ACOX3: variants seen among roughly 807,000 people sequenced by gnomAD.
ACOX3 encodes peroxisomal acyl-coenzyme A oxidase 3.
Under a neutral mutation model 81.5 loss-of-function variants are expected in ACOX3, and 73 were observed. That is an observed-to-expected ratio of 0.90 (90% CI 0.74 to 1.09). The LOEUF is 1.09. Among genes scored for constraint, ACOX3 ranks in the 50% least tolerant of loss-of-function variants. The probability of loss-of-function intolerance (pLI) is 0.00; values close to 1 mark genes in which losing one functional copy is unlikely to be tolerated. For synonymous variants in ACOX3, 387 were observed against 375.1 expected (o/e 1.03, Z -0.37); for missense variants, 947 against 928.0 (o/e 1.02, Z -0.27).
chr4:8,362,667 G>C (rs577899114), downstream of ACOX3, among the ~76,000 whole-genome samples: 84 of 152,350 alleles, frequency 5.5e-4, no homozygotes, highest in Middle Eastern at 3.4e-3. Context: ...CACAGTCCCT[G>C]TATGGGGTTC....
chr4:8,411,681 G>A (rs1250829672), intron 5 of ACOX3, among the ~76,000 whole-genome samples: 3 of 152,204 alleles, frequency 2.0e-5, no homozygotes, highest in Non-Finnish European at 4.4e-5. Flanking sequence ...TCGACTGTCT[G>A]GCTGCCTCCC....
chr4:8,363,553 G>C (rs1234310270), downstream of ACOX3, among the ~76,000 whole-genome samples: 1 of 152,156 alleles, frequency 6.6e-6, no homozygotes, highest in Admixed American at 6.5e-5. Flanking sequence ...AGGATTAAAG[G>C]TTGTCTTATA....
At chr4:8,364,989 G>A (rs1193935429), downstream of ACOX3, among the ~76,000 whole-genome samples, 2 of 152,102 alleles carry the variant, frequency 1.3e-5, no homozygotes, top group Non-Finnish European at 2.9e-5. The surrounding 1 kb of genome is among the most constrained non-coding windows in gnomAD (Gnocchi z 5.0). Context: ...TTGGGAGCCT[G>A]TTCCTTCTCG....
At chr4:8,369,906 T>C (rs1277949986) in intron 17 of ACOX3, among the ~76,000 whole-genome samples, 5 of 152,184 alleles carry the variant, frequency 3.3e-5, no homozygotes, top group African/African-American at 7.2e-5. Context: ...GACATGAGCA[T>C]TGACACGCCG....
At chr4:8,355,415 T>C in the ACOX3 span, 1 of 152,152 alleles carries the variant, frequency 6.6e-6, no homozygotes, top group Non-Finnish European at 1.5e-5. Flanking sequence ...ACACTAAAAT[T>C]AAACAGTGCA....
chr4:8,357,799 CA>C, the ACOX3 span: 15 of 167,380 alleles, frequency 9.0e-5, no homozygotes, highest in East Asian at 2.3e-3. Context: ...CGCCCACAGA[CA>C]ACACTTTCAC....
chr4:8,373,090 A>G (rs964882517), intron 16 of ACOX3, among the ~76,000 whole-genome samples: 1 of 152,114 alleles, frequency 6.6e-6, no homozygotes, highest in African/African-American at 2.4e-5. Context: ...TATAATAAAC[A>G]AGGAAACTGC....
intron 1 of ACOX3, among the ~76,000 whole-genome samples, chr4:8,438,229 A>G (rs1286766492): frequency 6.6e-6 from 1 of 152,224 alleles, no homozygotes; most frequent in Non-Finnish European, 1.5e-5. Context: ...CCAGGTTTAG[A>G]CTGCCTCTAA....
chr4:8,365,749 G>A (rs918069166), downstream of ACOX3, among the ~76,000 whole-genome samples: 4 of 143,684 alleles, frequency 2.8e-5, no homozygotes, highest in Non-Finnish European at 6.2e-5. Flanking sequence ...GGTGGGATGT[G>A]GTGGGGGGGT....
At chr4:8,375,352 G>A (rs1234144783) in intron 14 of ACOX3, among the ~76,000 whole-genome samples, 200 bp from the exon 15 acceptor site, 2 of 152,264 alleles carry the variant, frequency 1.3e-5, no homozygotes, top group Non-Finnish European at 2.9e-5. Flanking sequence ...GGCCTATGAA[G>A]ATGGAGCTGG....
intron 7 of ACOX3, among the ~76,000 whole-genome samples, chr4:8,403,919 G>A (rs1162463197): frequency 6.6e-6 from 1 of 152,196 alleles, no homozygotes; most frequent in African/African-American, 2.4e-5. Context: ...CCATATGCCC[G>A]GGTGGAGATG....
chr4:8,375,126 C>T lies in ACOX3; in HGVS notation c.1680G>A (p.Leu560=). The T allele has an allele frequency of 6.4e-7, 1 of 1,552,060 alleles. No individual in the cohort carries two copies. ...CQVSHGRPLA[L]AFVELTVVQR... ...GGACCACCGTGAGCTCCACGAAGGC[C>T]AGCGCCAACGGACGGCCGTGGGACA... Residue 560 remains leucine (L), a synonymous_variant, in exon 15 of 18, where the codon CTG becomes CTA. Coordinates refer to ENST00000356406, the MANE Select transcript of ACOX3 (RefSeq NM_003501.3).
chr4:8,435,442 G>A (rs1724176573), intron 1 of ACOX3, among the ~76,000 whole-genome samples: 1 of 152,110 alleles, frequency 6.6e-6, no homozygotes, highest in African/African-American at 2.4e-5. Flanking sequence ...CTTGCAGTGA[G>A]TGGAGATTGT....
intron 1 of ACOX3, among the ~76,000 whole-genome samples, chr4:8,417,541 C>A (rs1317570673): frequency 1.3e-5 from 2 of 152,232 alleles, no homozygotes; most frequent in South Asian, 4.1e-4. Context: ...GTTTCCCAAA[C>A]CCCCTCCGCT....
Position 8,386,793 on chromosome 4 carries a change from G to A in ACOX3, c.1537+2380C>T, listed in dbSNP as rs186874131. ...GGGGAAGGCGCTGGGAAGCCGGACC[G>A]GCCCAGGCTCCACACCGGCTTCGGC... On this transcript the variant is annotated intron_variant, in intron 13 of 17. Transcript: ENST00000356406. This position sits in a 1 kb window ranked among gnomAD's most constrained non-coding sequence, Gnocchi z 5.2. Among the ~76,000 whole-genome samples the A allele has an allele frequency of 1.6e-3, 239 of 152,280 alleles. 2 individuals are homozygous for A. The highest frequency in any genetic ancestry group is 0.014 in the Admixed American group (216 of 15,296).
chr4:8,415,878 T>A lies in ACOX3; in HGVS notation c.266A>T (p.Asp89Val). Reference sequence around the variant, plus strand: ...GAACATGTCTTCGACACTGAGGAAGTCATACTCGAAGATCCGCTTGCATCG... The same window carrying A: ...GAACATGTCTTCGACACTGAGGAAGACATACTCGAAGATCCGCTTGCATCG... Reference protein sequence around the residue: ...FLRCKRIFEYDFLSVEDMFKS... With the variant: ...FLRCKRIFEYVFLSVEDMFKS... Residue 89 changes from aspartate to valine, a missense_variant, in exon 3 of 18, where the codon GAC becomes GTC. Physicochemically the swap from Asp to Val is radical, Grantham distance 152 (BLOSUM62 -3). Transcript: ENST00000356406. The A allele has an allele frequency of 1.2e-6, 2 of 1,614,160 alleles. No homozygotes were observed. The highest frequency in any genetic ancestry group is 1.7e-6 in the Non-Finnish European group (2 of 1,180,028).
At chr4:8,363,313 T>C (rs1339607390), downstream of ACOX3, among the ~76,000 whole-genome samples, 6 of 152,232 alleles carry the variant, frequency 3.9e-5, no homozygotes, top group Non-Finnish European at 7.3e-5. Flanking sequence ...ACTCTTTGTG[T>C]AGGAATATAG....
Position 8,394,966 on chromosome 4 carries a change from A to C in ACOX3, c.1057-224T>G. On this transcript the variant is annotated intron_variant, in intron 9 of 17. Transcript: ENST00000356406. The surrounding 1 kb of genome is among the most constrained non-coding windows in gnomAD (Gnocchi z 5.9). ...CCCATAGCCCTTGACAGACAAGCTCAAACGCAATTCGCTAAATGGCCGCTA... is the reference window on the plus strand; with the variant it reads ...CCCATAGCCCTTGACAGACAAGCTCCAACGCAATTCGCTAAATGGCCGCTA... 3 of 470,298 alleles carry C rather than the reference A, an allele frequency of 6.4e-6. No individual in the cohort carries two copies. The highest frequency in any genetic ancestry group is 1.1e-5 in the Non-Finnish European group (3 of 267,526). The allele number at this position is 470,298 out of a possible 1,614,324, so 29.1% of individuals were successfully genotyped here.
In ACOX3 at chr4:8,406,661, G is replaced by C. The variant is rs940828394; in HGVS notation, c.688-618C>G. Among the ~76,000 whole-genome samples the C allele has an allele frequency of 1.3e-5, 2 of 152,240 alleles. No individual in the cohort carries two copies. The highest frequency in any genetic ancestry group is 4.8e-5 in the African/African-American group (2 of 41,464). On this transcript the variant is annotated intron_variant, in intron 6 of 17. Coordinates refer to ENST00000356406, the MANE Select transcript of ACOX3 (RefSeq NM_003501.3). This position sits in a 1 kb window ranked among gnomAD's most constrained non-coding sequence, Gnocchi z 5.6. Reference sequence around the variant, plus strand: ...GACCACATGGGTCACATGTCCACTGGACAGGGGGCCCTTCCCTGCCTGGCA... The same window carrying C: ...GACCACATGGGTCACATGTCCACTGCACAGGGGGCCCTTCCCTGCCTGGCA...
Sources: allele counts gnomAD v4.1 joint callset (sites outside exome capture counted in the v4.1 genomes callset), GRCh38; gene constraint gnomAD v4.1.1; non-coding constraint Gnocchi (gnomAD v3.1); transcripts MANE v1.5; gene names NCBI Gene and HGNC (gene_info 2026-07-23, HGNC 2026-07-21).